Variants in RYR3 observed in about 807,000 individuals in gnomAD.
The protein encoded by RYR3 is ryanodine receptor 3, also known as brain ryanodine receptor-calcium release channel.
Under a neutral mutation model 584.3 loss-of-function variants are expected in RYR3, and 207 were observed. That is an observed-to-expected ratio of 0.35 (90% CI 0.32 to 0.40). The LOEUF (loss-of-function observed/expected upper bound fraction) is 0.40. RYR3 is among the 10% of genes least tolerant of loss of function. The probability of loss-of-function intolerance (pLI) is 1.00; values close to 1 mark genes in which losing one functional copy is unlikely to be tolerated. For missense variants in RYR3, 5,616 were observed against 6,089.2 expected (o/e 0.92, Z 2.59); for synonymous variants, 2,416 against 2,248.5 (o/e 1.07, Z -2.11).
chr15:33,469,055 C>T (rs1425430958), intron 1 of RYR3, among the ~76,000 whole-genome samples: 1 of 152,052 alleles, frequency 6.6e-6, no homozygotes, highest in African/African-American at 2.4e-5. Context: ...TAAATGTTGG[C>T]CATTTAAAAA....
intron 1 of RYR3, among the ~76,000 whole-genome samples, chr15:33,368,105 C>G (rs1326927046): frequency 3.9e-5 from 6 of 152,254 alleles, no homozygotes; most frequent in Middle Eastern, 3.4e-3. Flanking sequence ...TAACTTTCCT[C>G]ACACAATTTA....
In RYR3 at chr15:33,652,916, A is replaced by G. The variant is rs769013584; in HGVS notation, c.4308+33A>G. ...CGGCTTCTGGGGCCGAAACAGGGCT[A>G]TCCCAGGCCTGGTGTTTATCACTGT... On this transcript the variant is annotated intron_variant, in intron 32 of 103. Transcript: ENST00000634891. 47 of 1,578,588 alleles carry G rather than the reference A, an allele frequency of 3.0e-5. No homozygotes were observed. In the African/African-American group the frequency reaches 6.4e-4, roughly 22 times the overall value.
intron 1 of RYR3, among the ~76,000 whole-genome samples, chr15:33,386,912 C>T (rs1474679559): frequency 6.6e-6 from 1 of 151,980 alleles, no homozygotes; most frequent in East Asian, 1.9e-4. Context: ...GGCTGGAGTG[C>T]AGTGGCACAA....
At chr15:33,858,843 G>C (rs1261069465) in intron 99 of RYR3, 1 of 152,234 alleles carries the variant, frequency 6.6e-6, no homozygotes, top group Non-Finnish European at 1.5e-5. Flanking sequence ...TGCCCAGTCT[G>C]TGAGCATCTC....
At chr15:33,533,466 C>A (rs779638419) in intron 5 of RYR3, 77 bp downstream of exon 5, 63 of 998,752 alleles carry the variant, frequency 6.3e-5, no homozygotes, top group Non-Finnish European at 9.5e-5. Flanking sequence ...ACCCTGAATG[C>A]GTTACTCATT....
At chr15:33,828,069 A>G (rs769634637) in intron 85 of RYR3, among the ~76,000 whole-genome samples, 1 of 152,206 alleles carries the variant, frequency 6.6e-6, no homozygotes, top group Non-Finnish European at 1.5e-5. Flanking sequence ...TCACATTTTG[A>G]TGATTCTCAC....
At chr15:33,448,247 A>C (rs1009297822) in intron 1 of RYR3, among the ~76,000 whole-genome samples, 20 of 152,184 alleles carry the variant, frequency 1.3e-4, no homozygotes, top group African/African-American at 4.6e-4. Context: ...GGCCTCGAGA[A>C]TATGGAGACA....
chr15:33,660,463 G>T, intron 34 of RYR3, 40 bp downstream of exon 34: 1 of 1,396,194 alleles, frequency 7.2e-7, no homozygotes, highest in Non-Finnish European at 9.7e-7. Context: ...AGGCCTGAGG[G>T]GCAGGTGAGG....
At chr15:33,762,755 A>C (rs1007147377) in intron 60 of RYR3, among the ~76,000 whole-genome samples, 2 of 152,202 alleles carry the variant, frequency 1.3e-5, no homozygotes, top group African/African-American at 4.8e-5. Flanking sequence ...TCACAGAACT[A>C]GAAAAAAACT....
At position 33,815,947 on chromosome 15, in the gene RYR3, T is replaced by C. The variant is rs749888775; in HGVS notation, c.10503-915T>C. On this transcript the variant is annotated intron_variant, in intron 74 of 103. Transcript: ENST00000634891. ...CCCATTTTAATGGTAATGTAACCTGTGGAGAGACCTGCTCATTCTCTGCAC... is the reference window on the plus strand; with the variant it reads ...CCCATTTTAATGGTAATGTAACCTGCGGAGAGACCTGCTCATTCTCTGCAC... 409 of 398,450 alleles carry C rather than the reference T, an allele frequency of 1.0e-3. 1 individual carries two copies. Among genetic ancestry groups the C allele is most frequent in the Non-Finnish European group, 1.0e-3 (229 of 226,046 alleles). The allele number at this position is 398,450 out of a possible 1,614,324, so 24.7% of individuals were successfully genotyped here.
intron 31 of RYR3, among the ~76,000 whole-genome samples, chr15:33,651,157 C>A (rs1202404730): frequency 1.3e-5 from 2 of 152,190 alleles, no homozygotes; most frequent in Non-Finnish European, 1.5e-5. Context: ...GGTACACATT[C>A]AATAATTCTT....
At chr15:33,580,198 C>G in intron 13 of RYR3, 54 bp downstream of exon 13, 4 of 1,350,766 alleles carry the variant, frequency 3.0e-6, no homozygotes, top group Non-Finnish European at 4.1e-6. Flanking sequence ...GCTAGAATAT[C>G]CCTGTGACTA....
chr15:33,689,249 A>T (rs976184239), intron 38 of RYR3, among the ~76,000 whole-genome samples: 3 of 150,184 alleles, frequency 2.0e-5, no homozygotes, highest in African/African-American at 7.3e-5. Flanking sequence ...GAGGGATAGC[A>T]TTAGGAGAAA....
intron 38 of RYR3, among the ~76,000 whole-genome samples, chr15:33,685,151 A>C (rs2152746173): frequency 6.6e-6 from 1 of 152,372 alleles, no homozygotes; most frequent in East Asian, 1.9e-4. Flanking sequence ...CTAGACTGGC[A>C]AATTGGATAA....
At chr15:33,628,258 G>A (rs1339070526) in intron 20 of RYR3, among the ~76,000 whole-genome samples, 2 of 152,112 alleles carry the variant, frequency 1.3e-5, no homozygotes, top group Non-Finnish European at 2.9e-5. Context: ...AAAAGACTAA[G>A]AGGCAATGGT....
chr15:33,383,809 A>G (rs1230614821), intron 1 of RYR3, among the ~76,000 whole-genome samples: 1 of 152,190 alleles, frequency 6.6e-6, no homozygotes, highest in East Asian at 1.9e-4. Flanking sequence ...AGATACATAC[A>G]GTCGTATGTT....
chr15:33,644,643 C>A, intron 28 of RYR3, 124 bp downstream of exon 28: 1 of 687,452 alleles, frequency 1.5e-6, no homozygotes, highest in Admixed American at 2.5e-5. Flanking sequence ...TTACCAGCCA[C>A]CTCCCCTCTG....
At chr15:33,484,208 A>T (rs1423195254) in intron 2 of RYR3, among the ~76,000 whole-genome samples, 2 of 152,134 alleles carry the variant, frequency 1.3e-5, no homozygotes, top group Non-Finnish European at 2.9e-5. Context: ...TTGAAGTAGA[A>T]TTGAAGTCTT....
Position 33,826,757 on chromosome 15 carries a change from G to A in RYR3, c.11245+5G>A. ...TTTGTGAGGGACATAACAGTGGTGA[G>A]TGGAACAGATTGATCTGCCAAGGAA... On this transcript the variant is annotated splice_donor_5th_base_variant and intron_variant, in intron 84 of 103. Coordinates refer to ENST00000634891, the MANE Select transcript of RYR3 (RefSeq NM_001036.6). The A allele has an allele frequency of 6.2e-7, 1 of 1,601,556 alleles. No homozygotes were observed. Among genetic ancestry groups the A allele is most frequent in the Non-Finnish European group, 8.5e-7 (1 of 1,174,442 alleles).
Sources: allele counts gnomAD v4.1 joint callset (sites outside exome capture counted in the v4.1 genomes callset), GRCh38; gene constraint gnomAD v4.1.1; transcripts MANE v1.5; gene names NCBI Gene and HGNC (gene_info 2026-07-23, HGNC 2026-07-21).